Variants in CDS1 observed in about 807,000 individuals in gnomAD.
CDS1 encodes CDP-diacylglycerol synthase 1, also known as phosphatidate cytidylyltransferase 1.
CDS1 carries 41 observed loss-of-function variants against 62.1 expected under a neutral mutation model. That is an observed-to-expected ratio of 0.66 (90% CI 0.51 to 0.86). CDS1 has a LOEUF of 0.86. Ranked by LOEUF, CDS1 falls within the 40% of genes least tolerant of loss-of-function variation. The pLI is 0.00. For missense variants in CDS1, 470 were observed against 550.1 expected (o/e 0.85, Z 1.46); for synonymous variants, 185 against 192.6 (o/e 0.96, Z 0.32).
intron 1 of CDS1, among the ~76,000 whole-genome samples, chr4:84,590,049 G>C (rs1487426326): frequency 6.6e-6 from 1 of 152,180 alleles, no homozygotes; most frequent in Non-Finnish European, 1.5e-5. Flanking sequence ...CTGACCTTGT[G>C]ATCTGCCCGC....
At position 84,583,374 on chromosome 4, in the gene CDS1, G is replaced by C; in HGVS notation, c.-28G>C. 6.6e-7 allele frequency: 1 copy of C among 1,526,552 alleles called. No homozygotes were observed. The highest frequency in any genetic ancestry group is 1.4e-5 in the African/African-American group (1 of 72,264). 94.6% of individuals were successfully genotyped at this position (1,526,552 alleles called of 1,614,324 possible). A position where few individuals can be genotyped will look rare whatever the true frequency, so the allele number is the denominator to read the frequency against. ...GCTCAGGTTTCGGGGTGCTTGAGGA[G>C]GCCGCCACGGCAGCGCGGGAGCGGA... On this transcript the variant is annotated 5_prime_UTR_variant, in exon 1 of 13. Coordinates refer to ENST00000295887, the MANE Select transcript of CDS1 (RefSeq NM_001263.4).
At chr4:84,607,207 A>G (rs1007957289) in intron 2 of CDS1, among the ~76,000 whole-genome samples, 15 of 152,208 alleles carry the variant, frequency 9.9e-5, no homozygotes, top group African/African-American at 3.4e-4. Flanking sequence ...AAATGACATG[A>G]TAAAAGGAAT....
intron 5 of CDS1, among the ~76,000 whole-genome samples, chr4:84,624,115 C>CA (rs954439030): frequency 4.7e-5 from 7 of 149,952 alleles, no homozygotes; most frequent in East Asian, 3.9e-4. Context: ...ACTAAAAATA[C>CA]AAAAAAAAAT....
intron 6 of CDS1, among the ~76,000 whole-genome samples, chr4:84,633,216 G>T (rs1724077850): frequency 6.6e-6 from 1 of 152,156 alleles, no homozygotes; most frequent in African/African-American, 2.4e-5. Flanking sequence ...ACTCGTACAT[G>T]GAAACCATAT....
At chr4:84,590,101 T>A (rs541181635) in intron 1 of CDS1, among the ~76,000 whole-genome samples, 10 of 152,214 alleles carry the variant, frequency 6.6e-5, no homozygotes, top group Admixed American at 5.2e-4. Context: ...ATGAGCCACC[T>A]CACCCAGCCT....
chr4:84,648,125 C>T (rs1408545018), intron 12 of CDS1, among the ~76,000 whole-genome samples: 2 of 152,186 alleles, frequency 1.3e-5, no homozygotes, highest in Admixed American at 6.5e-5. Flanking sequence ...TACCTTTCAT[C>T]ATCTGAAGTT....
chr4:84,647,638 T>G (rs1198156685), intron 12 of CDS1, among the ~76,000 whole-genome samples: 1 of 152,192 alleles, frequency 6.6e-6, no homozygotes, highest in Non-Finnish European at 1.5e-5. Flanking sequence ...GACCTGAGTG[T>G]GAAAGTTTTT....
At chr4:84,635,105 A>G (rs1333591885) in intron 7 of CDS1, among the ~76,000 whole-genome samples, 159 bp from the exon 8 acceptor site, 1 of 152,100 alleles carries the variant, frequency 6.6e-6, no homozygotes, top group African/African-American at 2.4e-5. Flanking sequence ...GATATTTATC[A>G]TTTCTACTGT....
In CDS1 at chr4:84,590,493, C is replaced by A. The variant is rs11947168; in HGVS notation, c.117+6975C>A. On this transcript the variant is annotated intron_variant, in intron 1 of 12. Transcript: ENST00000295887. ...TTATGATCTTTAAACAGTTCATTTT[C>A]TTATTATTTTGAGAGATACTACCAT... Among the ~76,000 whole-genome samples the A allele has an allele frequency of 9.9e-3, 1,514 of 152,248 alleles. 23 individuals are homozygous for A. Among genetic ancestry groups the A allele is most frequent in the African/African-American group, 0.034 (1,411 of 41,558 alleles).
chr4:84,600,193 GT>G (rs1722893289), intron 1 of CDS1, among the ~76,000 whole-genome samples: 1 of 152,080 alleles, frequency 6.6e-6, no homozygotes, highest in Non-Finnish European at 1.5e-5. Flanking sequence ...TGAAATGTCT[GT>G]CCAAATATTT....
Position 84,631,865 on chromosome 4 carries a change from G to A in CDS1, c.627G>A (p.Leu209=). Residue 209 remains leucine (L), a synonymous_variant, in exon 6 of 13, where the codon CTG becomes CTA. Coordinates refer to ENST00000295887, the MANE Select transcript of CDS1 (RefSeq NM_001263.4). ...VLSLVKKHYR[L]QFYMFAWTHV... The stretch of plus-strand genomic sequence containing the variant: ...GTTTGGTGAAGAAACATTATCGTCT[G>A]CAGTTTTATATGGTGTGTATTAACT... 1.9e-6 allele frequency: 3 copies of A among 1,609,160 alleles called. No individual in the cohort carries two copies. The highest frequency in any genetic ancestry group is 2.6e-6 in the Non-Finnish European group (3 of 1,175,794).
intron 2 of CDS1, among the ~76,000 whole-genome samples, chr4:84,607,522 C>T (rs555578712): frequency 6.6e-6 from 1 of 151,850 alleles, no homozygotes; most frequent in East Asian, 2.0e-4. Context: ...GGGTTTTTAC[C>T]GTGTTGCCCA....
At position 84,619,525 on chromosome 4, in the gene CDS1, A is replaced by G. The variant is rs1016656370; in HGVS notation, c.572A>G (p.Tyr191Cys). 2 of 1,583,976 alleles carry G rather than the reference A, an allele frequency of 1.3e-6. No homozygotes were observed. Among genetic ancestry groups the G allele is most frequent in the Non-Finnish European group, 1.7e-6 (2 of 1,162,812 alleles). ...RYHRFISFAL[Y>C]LAGFCMFVLS... ...CATAGATTTATATCATTTGCCCTCTATCTGGCAGGTAAGTTAAGGAATATT... is the reference window on the plus strand; with the variant it reads ...CATAGATTTATATCATTTGCCCTCTGTCTGGCAGGTAAGTTAAGGAATATT... The change falls in exon 5 of 13, where the codon TAT becomes TGT. Residue 191 changes from tyrosine (Y) to cysteine (C), a missense_variant. Coordinates refer to ENST00000295887, the MANE Select transcript of CDS1 (RefSeq NM_001263.4).
At chr4:84,631,697 T>C in intron 5 of CDS1, 122 bp from the exon 6 acceptor site, 2 of 740,350 alleles carry the variant, frequency 2.7e-6, no homozygotes, top group Non-Finnish European at 4.8e-6. Context: ...AGAGATGGCA[T>C]CTGAGTAAGT....
At chr4:84,608,586 G>C (rs1014827377) in intron 2 of CDS1, among the ~76,000 whole-genome samples, 1 of 152,158 alleles carries the variant, frequency 6.6e-6, no homozygotes, top group African/African-American at 2.4e-5. Flanking sequence ...TGACCTCTTA[G>C]GTAACTGGCA....
chr4:84,647,915 C>T (rs1353755952), intron 12 of CDS1, among the ~76,000 whole-genome samples: 2 of 152,118 alleles, frequency 1.3e-5, no homozygotes, highest in Admixed American at 6.5e-5. Flanking sequence ...CTATACATGA[C>T]TTGTATGTTG....
chr4:84,584,332 GGA>G (rs1172201074), intron 1 of CDS1, among the ~76,000 whole-genome samples: 1 of 152,204 alleles, frequency 6.6e-6, no homozygotes, highest in Admixed American at 6.5e-5. Flanking sequence ...CTTATGGACT[GGA>G]TGGTTTGGGA....
At chr4:84,608,365 G>T (rs543867753) in intron 2 of CDS1, among the ~76,000 whole-genome samples, 47 of 152,202 alleles carry the variant, frequency 3.1e-4, no homozygotes, top group African/African-American at 1.1e-3. Context: ...TAGTAGAGAC[G>T]GGGTTTCACC....
chr4:84,604,143 G>A (rs1723019409), intron 1 of CDS1, 100 bp from the exon 2 acceptor site: 12 of 949,386 alleles, frequency 1.3e-5, no homozygotes, highest in South Asian at 1.2e-4. Context: ...TTCAGATTAT[G>A]TCACTGAGAT....
Sources: gnomAD v4.1 joint callset for allele counts (sites outside exome capture counted in the v4.1 genomes callset) on GRCh38, gnomAD v4.1.1 for gene constraint, MANE v1.5 for transcripts, NCBI Gene and HGNC (gene_info 2026-07-23, HGNC 2026-07-21) for gene names.